CYP4V2: variants seen among roughly 807,000 people sequenced by gnomAD.
The protein encoded by CYP4V2 is cytochrome P450 4V2.
A neutral mutation model predicts 60.8 loss-of-function variants in CYP4V2; 55 were observed. The ratio of observed to expected loss-of-function variants is 0.90; its 90% CI spans 0.73 to 1.13. The LOEUF is 1.13. Ranked by LOEUF, CYP4V2 falls within the 50% of genes most tolerant of loss-of-function variation. CYP4V2 has a pLI of 0.00. For synonymous variants in CYP4V2, 239 were observed against 236.8 expected, an observed-to-expected ratio of 1.01 and a Z score of -0.08; for missense variants, 675 against 662.9, an observed-to-expected ratio of 1.02 and a Z score of -0.20.
chr4:186,196,229 A>C (rs952436350), intron 3 of CYP4V2, 141 bp downstream of exon 3: 1 of 806,618 alleles, frequency 1.2e-6, no homozygotes, highest in Non-Finnish European at 2.1e-6. Flanking sequence ...CTGGAAAGGA[A>C]GGTCCAGCTG....
At chr4:186,204,274 C>CTACGAGGGCGTAAGAGGT (rs1561435439) in intron 7 of CYP4V2, 1 of 118,132 alleles carries the variant, frequency 8.5e-6, no homozygotes, top group East Asian at 2.3e-4. Flanking sequence ...GCGTAAGACG[C>CTACGAGGGCGTAAGAGGT]GGCGGTGGAG....
chr4:186,209,595 C>T (rs1736644459), intron 10 of CYP4V2, among the ~76,000 whole-genome samples: 1 of 152,142 alleles, frequency 6.6e-6, no homozygotes, highest in South Asian at 2.1e-4. Context: ...CTCCTGAGGC[C>T]TCTCTCCGTG....
intron 8 of CYP4V2, among the ~76,000 whole-genome samples, chr4:186,205,680 C>G (rs1485619887): frequency 6.6e-6 from 1 of 152,128 alleles, no homozygotes; most frequent in Non-Finnish European, 1.5e-5. Context: ...CCTCTCACCA[C>G]AAAGGAGAGA....
In CYP4V2 at chr4:186,205,261, A is replaced by G. The variant is rs775369379; in HGVS notation, c.1049A>G (p.Glu350Gly). Reference sequence around the variant, plus strand: ...TTATACCTGTTGGGTTCTAACCCAGAAGTCCAGAAAAAAGTGGATCATGAA... The same window carrying G: ...TTATACCTGTTGGGTTCTAACCCAGGAGTCCAGAAAAAAGTGGATCATGAA... ...WSLYLLGSNP[E>G]VQKKVDHELD... The change falls in exon 8 of 11, where the codon GAA (glutamate) becomes GGA (glycine). Residue 350 changes from glutamate to glycine, a missense_variant. By Grantham distance (98) the Glu-to-Gly change is moderately conservative. Coordinates refer to ENST00000378802, the MANE Select transcript of CYP4V2 (RefSeq NM_207352.4). The G allele has an allele frequency of 3.2e-5, 51 of 1,614,128 alleles. No individual in the cohort carries two copies. Among genetic ancestry groups the G allele is most frequent in the Admixed American group, 6.7e-5 (4 of 60,006 alleles).
intron 7 of CYP4V2, 200 bp downstream of exon 7, chr4:186,201,542 C>T (rs1579968102): frequency 5.3e-6 from 3 of 568,354 alleles, no homozygotes; most frequent in Non-Finnish European, 6.0e-6. Flanking sequence ...TTGACTAGTG[C>T]TGGGCACAGC....
At chr4:186,205,652 A>G (rs1156591373) in intron 8 of CYP4V2, among the ~76,000 whole-genome samples, 1 of 152,186 alleles carries the variant, frequency 6.6e-6, no homozygotes, top group South Asian at 2.1e-4. Context: ...AGGTACAGGA[A>G]AGCTGTTTCG....
rs1033060645 is a variant in CYP4V2, at chr4:186,210,709, A to G, written c.*68A>G. 1.0e-5 allele frequency: 16 copies of G among 1,594,092 alleles called. No individual in the cohort carries two copies. In the East Asian group the frequency reaches 1.1e-4, roughly 11 times the overall value. ...TTTTAAGAGATCCTTGTCATTTACA[A>G]TTTACAGATCATGAGTTCAATATGC... On this transcript the variant is annotated 3_prime_UTR_variant, in exon 11 of 11. Transcript: ENST00000378802.
intron 5 of CYP4V2, among the ~76,000 whole-genome samples, chr4:186,198,137 G>A (rs569105910): frequency 3.3e-5 from 5 of 152,314 alleles, no homozygotes; most frequent in African/African-American, 4.8e-5. Context: ...GGCAGGGCAA[G>A]GACTTGATGA....
chr4:186,204,487 G>C (rs1736437496), intron 7 of CYP4V2: 1 of 195,522 alleles, frequency 5.1e-6, no homozygotes, highest in African/African-American at 2.5e-5. Context: ...CGTCCTTACT[G>C]CACAGGGTGT....
chr4:186,207,984 A>G (rs1041759104), intron 8 of CYP4V2, among the ~76,000 whole-genome samples: 3 of 152,204 alleles, frequency 2.0e-5, no homozygotes, highest in Admixed American at 6.5e-5. Flanking sequence ...AGCTGTGGCT[A>G]TTTAGCATCC....
intron 5 of CYP4V2, among the ~76,000 whole-genome samples, chr4:186,198,355 G>A (rs1259217638): frequency 2.0e-5 from 3 of 152,200 alleles, no homozygotes; most frequent in Admixed American, 6.5e-5. Flanking sequence ...AGGAAGAAAA[G>A]ATCAAATTGA....
At chr4:186,209,381 A>T in intron 10 of CYP4V2, 109 bp downstream of exon 10, 2 of 1,051,930 alleles carry the variant, frequency 1.9e-6, no homozygotes, top group Non-Finnish European at 2.7e-6. Flanking sequence ...CAACAGCCTT[A>T]AAAAAAAAAT....
Position 186,191,726 on chromosome 4 carries a change from G to A in CYP4V2, c.-98G>A. 1 of 1,166,462 alleles carries A rather than the reference G, an allele frequency of 8.6e-7. No individual in the cohort carries two copies. The highest frequency in any genetic ancestry group is 1.1e-6 in the Non-Finnish European group (1 of 914,756). The allele number at this position is 1,166,462 out of a possible 1,614,324, so 72.3% of individuals were successfully genotyped here. ...GCAGCGGGGAGCGCGCCAGGTCCGC[G>A]CGGGGAAGTGGGCGGTGTGCGGCCG... On this transcript the variant is annotated 5_prime_UTR_variant, in exon 1 of 11. Coordinates refer to ENST00000378802, the MANE Select transcript of CYP4V2 (RefSeq NM_207352.4).
At chr4:186,201,536 CTA>C in intron 7 of CYP4V2, 194 bp downstream of exon 7, 1 of 612,062 alleles carries the variant, frequency 1.6e-6, no homozygotes. Context: ...ACGATTTTGA[CTA>C]GTGCTGGGCA....
intron 3 of CYP4V2, 79 bp from the exon 4 acceptor site, chr4:186,196,861 A>C (rs1736162340): frequency 1.4e-6 from 2 of 1,444,448 alleles, no homozygotes; most frequent in Non-Finnish European, 1.9e-6. Context: ...TTATGCTTTA[A>C]TCGTTTTGGA....
In CYP4V2 at chr4:186,210,540, A is replaced by C; in HGVS notation, c.1477A>C (p.Asn493His). Residue 493 changes from asparagine (N) to histidine (H), a missense_variant, in exon 11 of 11, where the codon AAC becomes CAC. Physicochemically the swap from Asn to His is moderately conservative, Grantham distance 68 (BLOSUM62 1). Transcript: ENST00000378802. ...CCTGAGGCACTTTTGGATAGAATCC[A>C]ACCAGAAAAGAGAAGAGCTTGGTCT... The part of the protein sequence containing the change: ...CILRHFWIES[N>H]QKREELGLEG... The C allele has an allele frequency of 6.2e-7, 1 of 1,614,198 alleles. No individual in the cohort carries two copies. Among genetic ancestry groups the C allele is most frequent in the Non-Finnish European group, 8.5e-7 (1 of 1,180,028 alleles).
intron 3 of CYP4V2, 87 bp downstream of exon 3, chr4:186,196,175 C>CT: frequency 8.6e-7 from 1 of 1,167,920 alleles, no homozygotes; most frequent in Non-Finnish European, 1.3e-6. Context: ...CACAGGGTAG[C>CT]TTTTTCTGTA....
In CYP4V2 at chr4:186,213,330, T is replaced by A. The variant is rs971692737; in HGVS notation, c.*2689T>A. 1.3e-5 allele frequency: 2 copies of A among 152,222 alleles called. No individual in the cohort carries two copies. The highest frequency in any genetic ancestry group is 4.8e-5 in the African/African-American group (2 of 41,468). The allele number at this position is 152,222 out of a possible 1,614,324, so 9.4% of individuals were successfully genotyped here. A position where few individuals can be genotyped will look rare whatever the true frequency, so the allele number is the denominator to read the frequency against. The stretch of plus-strand genomic sequence containing the variant: ...AAAGACGTGTCTCAAGAAAAATAAA[T>A]TCTATTTTAGATGCAGGTACTGCAT... On this transcript the variant is annotated 3_prime_UTR_variant, in exon 11 of 11. Transcript: ENST00000378802.
At position 186,201,327 on chromosome 4, in the gene CYP4V2, C is replaced by T; in HGVS notation, c.972C>T (p.Asp324=). The change falls in exon 7 of 11, where the codon GAC becomes GAT. Residue 324 remains aspartate (D), a synonymous_variant. Coordinates refer to ENST00000378802, the MANE Select transcript of CYP4V2 (RefSeq NM_207352.4). ...ATGAAGATATTCGAGAAGAAGTTGACACCTTCATGTTTGAGGTATTGTATA... is the reference window on the plus strand; with the variant it reads ...ATGAAGATATTCGAGAAGAAGTTGATACCTTCATGTTTGAGGTATTGTATA... ...LSHEDIREEV[D]TFMFEGHDTT... 1 of 1,614,126 alleles carries T rather than the reference C, an allele frequency of 6.2e-7. No individual in the cohort carries two copies. Among genetic ancestry groups the T allele is most frequent in the South Asian group, 1.1e-5 (1 of 91,080 alleles).
Sources: gnomAD v4.1 joint callset for allele counts (sites outside exome capture counted in the v4.1 genomes callset) on GRCh38, gnomAD v4.1.1 for gene constraint, MANE v1.5 for transcripts, NCBI Gene and HGNC (gene_info 2026-07-23, HGNC 2026-07-21) for gene names.